DAPK1: variants seen among roughly 807,000 people sequenced by gnomAD.
The protein encoded by DAPK1 is death associated protein kinase 1.
DAPK1 carries 56 observed loss-of-function variants against 144.9 expected under a neutral mutation model. The observed-to-expected ratio is 0.39, with a 90% CI of 0.31 to 0.48. DAPK1 has a LOEUF of 0.48. Ranked by LOEUF, DAPK1 falls within the 20% of genes least tolerant of loss-of-function variation. DAPK1 has a pLI of 0.95. For missense variants in DAPK1, 1,454 were observed against 1,875.4 expected, an observed-to-expected ratio of 0.78 and a Z score of 4.15; for synonymous variants, 690 against 749.0, an observed-to-expected ratio of 0.92 and a Z score of 1.29.
In DAPK1 at chr9:87,652,442, G is replaced by A. The variant is rs1214967855; in HGVS notation, c.1824+718G>A. Among the ~76,000 whole-genome samples the A allele has an allele frequency of 2.6e-3, 219 of 83,420 alleles. 1 individual carries two copies. Among genetic ancestry groups the A allele is most frequent in the African/African-American group, 8.0e-3 (162 of 20,130 alleles). The allele number at this position is 83,420 out of a possible 152,430, so 54.7% of individuals were successfully genotyped here. On this transcript the variant is annotated intron_variant, in intron 17 of 25. Coordinates refer to ENST00000408954, the MANE Select transcript of DAPK1 (RefSeq NM_004938.4). ...ATTCTGTGTCCTCCCACCTGATCCC[G>A]GGTCCTGATTCTGTGTCCTCCCACC...
intron 21 of DAPK1, among the ~76,000 whole-genome samples, chr9:87,690,606 A>G (rs1825020215): frequency 6.6e-6 from 1 of 152,080 alleles, no homozygotes; most frequent in Admixed American, 6.6e-5. Context: ...CTTAAAGGAA[A>G]AGCATTCAGC....
At chr9:87,563,292 G>A (rs1029174343) in intron 2 of DAPK1, among the ~76,000 whole-genome samples, 1 of 152,216 alleles carries the variant, frequency 6.6e-6, no homozygotes, top group Non-Finnish European at 1.5e-5. Context: ...TATGGGAGTA[G>A]CAATTGAGGG....
intron 2 of DAPK1, among the ~76,000 whole-genome samples, chr9:87,584,664 TTG>T (rs113125719): frequency 0.19 from 26,039 of 140,414 alleles, 3,018 homozygotes; most frequent in African/African-American, 0.33. Context: ...TGATAGCTCA[TTG>T]TGTGTGTGTG....
At chr9:87,498,168 C>CAGCCAGGGCGCGGTGGGGTT in intron 1 of DAPK1, 61 bp downstream of exon 1, 1 of 396,982 alleles carries the variant, frequency 2.5e-6, no homozygotes. Context: ...TTTGCTTTCC[C>CAGCCAGGGCGCGGTGGGGTT]AGCCAGGGCG....
intron 21 of DAPK1, among the ~76,000 whole-genome samples, chr9:87,691,620 G>A (rs989349474): frequency 2.0e-5 from 3 of 151,774 alleles, no homozygotes; most frequent in African/African-American, 7.3e-5. Flanking sequence ...TGACGTAGGT[G>A]TTTATTGTTA....
rs1317911981 is a variant in DAPK1, at chr9:87,517,265, C to T, written c.62+18126C>T. On this transcript the variant is annotated intron_variant, in intron 2 of 25. Transcript: ENST00000408954. ...GCTTTCCTCCGGGGGTGCAGGTGGTCAGTATCTGCAGAACCCATCTGCTGG... is the reference window on the plus strand; with the variant it reads ...GCTTTCCTCCGGGGGTGCAGGTGGTTAGTATCTGCAGAACCCATCTGCTGG... Among the ~76,000 whole-genome samples, 3 of 151,838 alleles carry T rather than the reference C, an allele frequency of 2.0e-5. No homozygotes were observed. In the East Asian group the frequency reaches 5.8e-4, roughly 29 times the overall value.
Position 87,604,997 on chromosome 9 carries a change from G to A in DAPK1, c.106G>A (p.Gly36Ser), listed in dbSNP as rs746400274. ...VVKKCREKST[G>S]LQYAAKFIKK... ...GAAGAAATGCCGTGAGAAAAGCACC[G>A]GCCTCCAGTATGCCGCCAAATTCAT... Residue 36 changes from glycine to serine, a missense_variant, in exon 3 of 26, where the codon GGC (glycine) becomes AGC (serine). Around this residue, in one of 2 missense-constraint regions of DAPK1, gnomAD observed 429 missense variants for 637.5 expected, o/e 0.67. Transcript: ENST00000408954. 5.6e-6 allele frequency: 9 copies of A among 1,613,992 alleles called. No individual in the cohort carries two copies. Among genetic ancestry groups the A allele is most frequent in the South Asian group, 3.3e-5 (3 of 91,084 alleles).
At chr9:87,614,717 G>C (rs1587771300) in intron 3 of DAPK1, among the ~76,000 whole-genome samples, 1 of 152,102 alleles carries the variant, frequency 6.6e-6, no homozygotes, top group South Asian at 2.1e-4. Flanking sequence ...CCCTCTCTTC[G>C]CTGCTCCAGT....
chr9:87,690,549 G>A (rs1825017565), intron 21 of DAPK1, among the ~76,000 whole-genome samples: 1 of 151,920 alleles, frequency 6.6e-6, no homozygotes, highest in African/African-American at 2.4e-5. Flanking sequence ...TTCCAGTACT[G>A]TGTTGGATAG....
At chr9:87,623,680 A>G (rs1490530532) in intron 3 of DAPK1, among the ~76,000 whole-genome samples, 1 of 152,128 alleles carries the variant, frequency 6.6e-6, no homozygotes, top group Admixed American at 6.5e-5. Context: ...GATAGTTTTT[A>G]TGAAAGGTTC....
intron 2 of DAPK1, among the ~76,000 whole-genome samples, chr9:87,546,005 A>G (rs1049926384): frequency 6.6e-6 from 1 of 152,126 alleles, no homozygotes; most frequent in African/African-American, 2.4e-5. Context: ...TTTGCAGTAC[A>G]GATTCTCAGT....
At chr9:87,567,650 A>G (rs1325271534) in intron 2 of DAPK1, among the ~76,000 whole-genome samples, 1 of 152,096 alleles carries the variant, frequency 6.6e-6, no homozygotes, top group African/African-American at 2.4e-5. Flanking sequence ...CACGCTTGCC[A>G]TGGTAGGAGC....
chr9:87,508,992 GCCT>G (rs1436356230), intron 2 of DAPK1, among the ~76,000 whole-genome samples: 22 of 152,146 alleles, frequency 1.4e-4, no homozygotes, highest in African/African-American at 5.1e-4. Flanking sequence ...AAATTGTTTT[GCCT>G]CCTCTGTGTA....
At chr9:87,607,582 A>AT (rs765188446) in intron 3 of DAPK1, among the ~76,000 whole-genome samples, 5 of 151,610 alleles carry the variant, frequency 3.3e-5, no homozygotes, top group Non-Finnish European at 5.9e-5. Context: ...GCATACAATT[A>AT]TTTTTTTTTA....
chr9:87,701,720 A>T (rs1436287834), intron 24 of DAPK1: 48 of 245,136 alleles, frequency 2.0e-4, no homozygotes, highest in Non-Finnish European at 4.3e-5. Flanking sequence ...CTCTGGGTGT[A>T]TTTTTTTTTT....
chr9:87,672,668 C>T (rs1481888637), intron 19 of DAPK1, among the ~76,000 whole-genome samples: 1 of 152,186 alleles, frequency 6.6e-6, no homozygotes, highest in Non-Finnish European at 1.5e-5. Flanking sequence ...CCTGATTAGC[C>T]ATAATGGGAG....
chr9:87,513,361 T>C (rs953163908), intron 2 of DAPK1, among the ~76,000 whole-genome samples: 1 of 152,120 alleles, frequency 6.6e-6, no homozygotes, highest in African/African-American at 2.4e-5. Context: ...CATGGAAAAA[T>C]GTTTTTTGGA....
chr9:87,520,639 C>G (rs561955027), intron 2 of DAPK1, among the ~76,000 whole-genome samples: 3 of 152,198 alleles, frequency 2.0e-5, no homozygotes, highest in Admixed American at 6.5e-5. Flanking sequence ...TTTTGACCCT[C>G]GAAGATAGGT....
Position 87,686,771 on chromosome 9 carries a change from C to A in DAPK1, c.2413+32C>A. On this transcript the variant is annotated intron_variant, in intron 21 of 25. Transcript: ENST00000408954. The surrounding 1 kb of genome is among the most constrained non-coding windows in gnomAD (Gnocchi z 4.2). ...CCTGCCTGCCCCAAGGGAAGGACCT[C>A]AGGTTTCCCTTCAACAGGGTTGTAA... 6.5e-7 allele frequency: 1 copy of A among 1,529,640 alleles called. No homozygotes were observed. The highest frequency in any genetic ancestry group is 1.1e-5 in the South Asian group (1 of 87,762). The allele number at this position is 1,529,640 out of a possible 1,614,324, so 94.8% of individuals were successfully genotyped here.
Sources: gnomAD v4.1 joint callset for allele counts (sites outside exome capture counted in the v4.1 genomes callset) on GRCh38, gnomAD v4.1.1 for gene constraint, gnomAD v4.1.1 regional missense constraint, Gnocchi (gnomAD v3.1) non-coding constraint, MANE v1.5 for transcripts, NCBI Gene and HGNC (gene_info 2026-07-23, HGNC 2026-07-21) for gene names.